The following PRDM16 variants were observed in gnomAD, a reference collection of about 807,000 sequenced individuals.
PRDM16 encodes the protein PR/SET domain 16.
In PRDM16, 23 loss-of-function variants were observed where a neutral mutation model predicts 110.6. The observed-to-expected ratio is 0.21, with a 90% CI of 0.15 to 0.29. The LOEUF (loss-of-function observed/expected upper bound fraction) is 0.29, where lower values mean the gene tolerates loss of function less well. Ranked by LOEUF, PRDM16 falls within the 10% of genes least tolerant of loss-of-function variation. PRDM16 has a pLI of 1.00. For missense variants in PRDM16, 1,615 were observed against 1,794.3 expected (o/e 0.90, Z 1.81); for synonymous variants, 799 against 781.8 (o/e 1.02, Z -0.37).
intron 8 of PRDM16, among the ~76,000 whole-genome samples, chr1:3,406,421 A>T (rs193025874): frequency 6.6e-6 from 1 of 152,202 alleles, no homozygotes; most frequent in African/African-American, 2.4e-5. Flanking sequence ...GGTTTGTTTA[A>T]GGAGTGAGTG....
At chr1:3,282,105 C>T (rs1173323542) in intron 3 of PRDM16, among the ~76,000 whole-genome samples, 1 of 152,242 alleles carries the variant, frequency 6.6e-6, no homozygotes, top group Non-Finnish European at 1.5e-5. Context: ...CTCCTTACCA[C>T]CGAAGCAGCT....
intron 2 of PRDM16, among the ~76,000 whole-genome samples, chr1:3,220,883 G>A (rs1639136045): frequency 6.6e-6 from 1 of 152,236 alleles, no homozygotes. Flanking sequence ...GGCCAACCTA[G>A]CCCAGCCTTG....
chr1:3,202,456 G>C (rs1638652618), intron 2 of PRDM16, among the ~76,000 whole-genome samples: 1 of 152,180 alleles, frequency 6.6e-6, no homozygotes, highest in Non-Finnish European at 1.5e-5. Context: ...GATGGGTCAG[G>C]GCTCAGTCCC....
chr1:3,203,361 G>A (rs1638676612), intron 2 of PRDM16, among the ~76,000 whole-genome samples: 1 of 152,220 alleles, frequency 6.6e-6, no homozygotes, highest in Non-Finnish European at 1.5e-5. Flanking sequence ...TAATAACCCA[G>A]CTTAGGTGAA....
Position 3,411,570 on chromosome 1 carries a change from C to T in PRDM16, c.1373C>T (p.Ala458Val), listed in dbSNP as rs772601418. 1.2e-6 allele frequency: 2 copies of T among 1,614,114 alleles called. No individual in the cohort carries two copies. Among genetic ancestry groups the T allele is most frequent in the Non-Finnish European group, 1.7e-6 (2 of 1,180,034 alleles). ...CATTACACGCCGGGCGGCATCTTTG[C>T]CCCGGGCCTGCCCTTGACCCCCAGC... ...KNHYTPGGIFAPGLPLTPSPM... is the reference protein window; with the variant it reads ...KNHYTPGGIFVPGLPLTPSPM... The change falls in exon 9 of 17, where the codon GCC becomes GTC. Residue 458 changes from alanine to valine, a missense_variant. Ala to Val is a moderately conservative substitution (Grantham distance 64). Around this residue, in one of 5 missense-constraint regions of PRDM16, gnomAD observed 772 missense variants for 748.3 expected, o/e 1.03. Coordinates refer to ENST00000270722, the MANE Select transcript of PRDM16 (RefSeq NM_022114.4).
chr1:3,330,075 G>T (rs1642012395), intron 3 of PRDM16, among the ~76,000 whole-genome samples: 1 of 152,264 alleles, frequency 6.6e-6, no homozygotes, highest in Admixed American at 6.5e-5. Flanking sequence ...AACAGCAGCA[G>T]AGCCCTCCGC....
chr1:3,338,929 G>A (rs1642215263), intron 3 of PRDM16, among the ~76,000 whole-genome samples: 1 of 152,282 alleles, frequency 6.6e-6, no homozygotes, highest in South Asian at 2.1e-4. Context: ...CCTTTTCTGT[G>A]CGGCTGTGCT....
At chr1:3,293,444 G>A (rs751337216) in intron 3 of PRDM16, among the ~76,000 whole-genome samples, 55 of 152,190 alleles carry the variant, frequency 3.6e-4, no homozygotes, top group Non-Finnish European at 7.1e-4. Context: ...TGATTCATCC[G>A]TCTGTGAACC....
chr1:3,315,184 C>CCTCCCT (rs372326389), intron 3 of PRDM16, among the ~76,000 whole-genome samples: 10,958 of 147,122 alleles, frequency 0.074, 1,430 homozygotes, highest in African/African-American at 0.27. Context: ...TCCCTCCCAC[C>CCTCCCT]CTCCCTCTCC....
At chr1:3,294,317 C>T (rs976590206) in intron 3 of PRDM16, among the ~76,000 whole-genome samples, 1 of 152,116 alleles carries the variant, frequency 6.6e-6, no homozygotes, top group Non-Finnish European at 1.5e-5. Flanking sequence ...CCGGACTTCT[C>T]CCCAGGGAGA....
chr1:3,359,445 C>T lies in PRDM16; in HGVS notation c.439-25707C>T, dbSNP rs1339664893. 6.6e-6 allele frequency among the ~76,000 whole-genome samples: 1 copy of T among 151,978 alleles called. No homozygotes were observed. The highest frequency in any genetic ancestry group is 1.5e-5 in the Non-Finnish European group (1 of 68,016). On this transcript the variant is annotated intron_variant, in intron 3 of 16. Coordinates refer to ENST00000270722, the MANE Select transcript of PRDM16 (RefSeq NM_022114.4). This position sits in a 1 kb window ranked among gnomAD's most constrained non-coding sequence, Gnocchi z 4.3. ...CACATTGGAAGCCCTTGTCGGGTGC[C>T]ACCTTCTAAGTAAACACACTTAAAA...
chr1:3,376,989 G>A (rs542345788), intron 3 of PRDM16, among the ~76,000 whole-genome samples: 145 of 152,326 alleles, frequency 9.5e-4, no homozygotes, highest in African/African-American at 3.1e-3. Context: ...TTTCCAGAAC[G>A]CCTTTCCCCC....
intron 3 of PRDM16, among the ~76,000 whole-genome samples, chr1:3,362,821 C>T (rs1298103410): frequency 4.6e-5 from 7 of 152,146 alleles, no homozygotes; most frequent in South Asian, 4.1e-4. Context: ...CTCCAGGGAG[C>T]GTCGGGGAGC....
intron 12 of PRDM16, among the ~76,000 whole-genome samples, chr1:3,423,898 CAG>C (rs1264931008): frequency 6.6e-6 from 1 of 152,262 alleles, no homozygotes; most frequent in Non-Finnish European, 1.5e-5. Flanking sequence ...ATCATATAAA[CAG>C]AATGTTCAAG....
chr1:3,331,053 C>T (rs1168091844), intron 3 of PRDM16, among the ~76,000 whole-genome samples: 1 of 152,244 alleles, frequency 6.6e-6, no homozygotes, highest in Non-Finnish European at 1.5e-5. Context: ...CATTGACAGG[C>T]CCCACCGCCC....
At chr1:3,289,903 T>C (rs955979856) in intron 3 of PRDM16, among the ~76,000 whole-genome samples, 1 of 143,750 alleles carries the variant, frequency 7.0e-6, no homozygotes, top group Non-Finnish European at 1.5e-5. Context: ...CAGACCCCAC[T>C]CCCTCCAGGG....
At chr1:3,364,752 A>G (rs1422071306) in intron 3 of PRDM16, among the ~76,000 whole-genome samples, 1 of 152,232 alleles carries the variant, frequency 6.6e-6, no homozygotes, top group Non-Finnish European at 1.5e-5. Flanking sequence ...TTTAATTTTC[A>G]TGGCCGGGCC....
Position 3,181,319 on chromosome 1 carries a change from C to T in PRDM16, c.38-4806C>T, listed in dbSNP as rs202227206. Among the ~76,000 whole-genome samples the T allele has an allele frequency of 7.5e-4, 45 of 60,192 alleles. 2 individuals are homozygous for T. The highest frequency in any genetic ancestry group is 1.4e-3 in the African/African-American group (29 of 20,006). The allele number at this position is 60,192 out of a possible 152,430, so 39.5% of individuals were successfully genotyped here. A position where few individuals can be genotyped will look rare whatever the true frequency, so the allele number is the denominator to read the frequency against. ...GCAGTCTTACACACGGTCTTACACA[C>T]GCAATCTTACACAAGCAGTCTTACA... On this transcript the variant is annotated intron_variant, in intron 1 of 16. Coordinates refer to ENST00000270722, the MANE Select transcript of PRDM16 (RefSeq NM_022114.4).
chr1:3,413,752 GCAGA>G (rs1643734540), intron 9 of PRDM16, among the ~76,000 whole-genome samples: 2 of 152,192 alleles, frequency 1.3e-5, no homozygotes, highest in South Asian at 4.1e-4. Context: ...GGGAACCCAG[GCAGA>G]CAGAGAAGAG....
Sources: gnomAD v4.1 joint callset for allele counts (sites outside exome capture counted in the v4.1 genomes callset) on GRCh38, gnomAD v4.1.1 for gene constraint, gnomAD v4.1.1 regional missense constraint, Gnocchi (gnomAD v3.1) non-coding constraint, MANE v1.5 for transcripts, NCBI Gene and HGNC (gene_info 2026-07-23, HGNC 2026-07-21) for gene names.